The following LRRTM4 variants were observed in gnomAD, a reference collection of about 807,000 sequenced individuals.
LRRTM4 encodes the protein leucine rich repeat transmembrane neuronal 4.
LRRTM4 carries 25 observed loss-of-function variants against 47.6 expected under a neutral mutation model. The ratio of observed to expected loss-of-function variants is 0.53; its 90% CI spans 0.38 to 0.73. The LOEUF is 0.73. Among genes scored for constraint, LRRTM4 ranks in the 30% least tolerant of loss-of-function variants. The pLI is 0.00. For synonymous variants in LRRTM4, 311 were observed against 269.5 expected (o/e 1.15, Z -1.51); for missense variants, 638 against 713.4 (o/e 0.89, Z 1.20).
At chr2:77,090,538 T>A (rs1230679919) in intron 3 of LRRTM4, among the ~76,000 whole-genome samples, 2 of 151,940 alleles carry the variant, frequency 1.3e-5, no homozygotes, top group East Asian at 3.9e-4. Flanking sequence ...TACAATTCCT[T>A]CCCTCCACTA....
At chr2:77,308,020 T>C (rs1173948870) in intron 3 of LRRTM4, among the ~76,000 whole-genome samples, 1 of 141,038 alleles carries the variant, frequency 7.1e-6, no homozygotes, top group African/African-American at 2.6e-5. Flanking sequence ...TTACATATTA[T>C]ATATTATATA....
At chr2:77,445,019 G>A (rs1675996531) in intron 3 of LRRTM4, among the ~76,000 whole-genome samples, 1 of 150,484 alleles carries the variant, frequency 6.6e-6, no homozygotes, top group African/African-American at 2.4e-5. Flanking sequence ...AAATTCTTAG[G>A]TGATTTTTGC....
chr2:77,062,074 G>A (rs1038498897), intron 3 of LRRTM4, among the ~76,000 whole-genome samples: 3 of 152,170 alleles, frequency 2.0e-5, no homozygotes, highest in African/African-American at 4.8e-5. Context: ...GGTGAGAGGA[G>A]TGACTGAAAT....
chr2:77,486,349 G>T (rs1293388873), intron 3 of LRRTM4, among the ~76,000 whole-genome samples: 1 of 152,182 alleles, frequency 6.6e-6, no homozygotes, highest in South Asian at 2.1e-4. Flanking sequence ...TTGGTAAATT[G>T]CCTTCCATTC....
intron 3 of LRRTM4, among the ~76,000 whole-genome samples, chr2:77,215,574 A>G (rs1478148775): frequency 1.3e-5 from 2 of 152,060 alleles, no homozygotes; most frequent in African/African-American, 2.4e-5. Flanking sequence ...GGCTTATTCT[A>G]TCATACTTAG....
At chr2:76,940,659 A>T (rs1003069616) in intron 3 of LRRTM4, among the ~76,000 whole-genome samples, 1 of 140,734 alleles carries the variant, frequency 7.1e-6, no homozygotes, top group South Asian at 2.2e-4. Context: ...AAACAAACAA[A>T]TATTTTGTTG....
intron 3 of LRRTM4, among the ~76,000 whole-genome samples, chr2:77,047,433 T>C (rs1351830012): frequency 6.6e-6 from 1 of 151,986 alleles, no homozygotes; most frequent in Non-Finnish European, 1.5e-5. Context: ...GAGATCTAGG[T>C]TTCTGGAGTG....
At chr2:77,164,458 C>T (rs962490549) in intron 3 of LRRTM4, among the ~76,000 whole-genome samples, 1 of 152,172 alleles carries the variant, frequency 6.6e-6, no homozygotes, top group Admixed American at 6.5e-5. Context: ...ACCAAGCAGA[C>T]CTAATAGACA....
At chr2:76,900,940 A>C (rs963518006) in intron 3 of LRRTM4, among the ~76,000 whole-genome samples, 12 of 152,210 alleles carry the variant, frequency 7.9e-5, no homozygotes, top group African/African-American at 2.4e-4. Flanking sequence ...ACGCCAATGC[A>C]TGCATTTTCT....
intron 3 of LRRTM4, among the ~76,000 whole-genome samples, chr2:77,307,660 GAAATATAAATATATAGA>G (rs1677324430): frequency 2.4e-5 from 1 of 41,032 alleles, no homozygotes; most frequent in African/African-American, 3.2e-4. Context: ...ATATATTATA[GAAATATAAATATATAGA>G]TATATCTATA....
At chr2:77,224,111 A>C (rs1674730343) in intron 3 of LRRTM4, among the ~76,000 whole-genome samples, 1 of 151,694 alleles carries the variant, frequency 6.6e-6, no homozygotes, top group Admixed American at 6.6e-5. Context: ...CAATGGGGAA[A>C]GGATTCCCTA....
At chr2:77,507,016 A>T (rs1678802531) in intron 3 of LRRTM4, among the ~76,000 whole-genome samples, 1 of 152,040 alleles carries the variant, frequency 6.6e-6, no homozygotes, top group African/African-American at 2.4e-5. Context: ...TATGTTCCAG[A>T]ATTTTTAAAG....
intron 3 of LRRTM4, among the ~76,000 whole-genome samples, chr2:77,383,272 C>T (rs1673133160): frequency 6.6e-6 from 1 of 151,942 alleles, no homozygotes; most frequent in South Asian, 2.1e-4. Context: ...ATTTTCTTGA[C>T]CTCTGCTCTG....
chr2:77,021,879 A>G (rs1678289041), intron 3 of LRRTM4, among the ~76,000 whole-genome samples: 1 of 152,186 alleles, frequency 6.6e-6, no homozygotes, highest in Admixed American at 6.5e-5. Context: ...GCCACACCCA[A>G]ATTAATTATG....
intron 3 of LRRTM4, among the ~76,000 whole-genome samples, chr2:76,752,389 T>C (rs555281983): frequency 6.6e-6 from 1 of 152,318 alleles, no homozygotes; most frequent in East Asian, 1.9e-4. Flanking sequence ...CGTTTACATA[T>C]TACACCATTT....
chr2:77,377,620 T>C (rs1480217682), intron 3 of LRRTM4, among the ~76,000 whole-genome samples: 1 of 152,012 alleles, frequency 6.6e-6, no homozygotes, highest in Non-Finnish European at 1.5e-5. Context: ...TCTGCAACTG[T>C]TTGATAATAC....
chr2:77,307,433 G>C (rs931878723), intron 3 of LRRTM4, among the ~76,000 whole-genome samples: 1 of 149,384 alleles, frequency 6.7e-6, no homozygotes, highest in African/African-American at 2.5e-5. Context: ...TAATGTTTAG[G>C]ATTTGTGCTT....
intron 3 of LRRTM4, among the ~76,000 whole-genome samples, chr2:76,803,181 A>G (rs1164118218): frequency 6.6e-6 from 1 of 152,142 alleles, no homozygotes; most frequent in Non-Finnish European, 1.5e-5. Context: ...GGATAAAAGT[A>G]TTTGCAAACC....
chr2:76,893,002 T>C (rs1184071823), intron 3 of LRRTM4, among the ~76,000 whole-genome samples: 3 of 151,114 alleles, frequency 2.0e-5, no homozygotes, highest in African/African-American at 7.3e-5. Context: ...TTGAGGAGTA[T>C]TACTTAATTT....
Sources: gnomAD v4.1 joint callset for allele counts (sites outside exome capture counted in the v4.1 genomes callset) on GRCh38, gnomAD v4.1.1 for gene constraint, MANE v1.5 for transcripts, NCBI Gene and HGNC (gene_info 2026-07-23, HGNC 2026-07-21) for gene names.